Variants in CNTN6 observed in about 807,000 individuals in gnomAD.
CNTN6 encodes contactin 6.
In CNTN6, 137 loss-of-function variants were observed where a neutral mutation model predicts 122.8. That is an observed-to-expected ratio of 1.12 (90% CI 0.97 to 1.29). The LOEUF (loss-of-function observed/expected upper bound fraction) is 1.29. Among genes scored for constraint, CNTN6 ranks in the 50% most tolerant of loss-of-function variants. CNTN6 has a pLI of 0.00. For missense variants in CNTN6, 1,634 were observed against 1,223.4 expected (o/e 1.34, Z -5.01); for synonymous variants, 570 against 426.0 (o/e 1.34, Z -4.16).
intron 7 of CNTN6, among the ~76,000 whole-genome samples, chr3:1,306,577 A>T (rs1433753108): frequency 6.6e-6 from 1 of 152,158 alleles, no homozygotes; most frequent in Non-Finnish European, 1.5e-5. Flanking sequence ...TTGGAGTCTT[A>T]ACTTCACTTG....
intron 12 of CNTN6, among the ~76,000 whole-genome samples, chr3:1,353,477 A>C (rs904131872): frequency 4.6e-5 from 7 of 151,794 alleles, no homozygotes; most frequent in African/African-American, 1.7e-4. Context: ...AATGTGACTG[A>C]TAAAACTTGG....
chr3:1,402,585 G>A (rs1576126920), intron 22 of CNTN6, 99 bp downstream of exon 22: 1 of 990,606 alleles, frequency 1.0e-6, no homozygotes, highest in East Asian at 2.7e-5. Context: ...TTAAATGTTG[G>A]GTGATAAGAT....
chr3:1,174,401 T>C (rs2093412279), intron 2 of CNTN6, among the ~76,000 whole-genome samples: 1 of 152,124 alleles, frequency 6.6e-6, no homozygotes, highest in Admixed American at 6.6e-5. Flanking sequence ...AGAGGAGGTA[T>C]TTTCAGATGG....
Position 1,404,213 on chromosome 3 carries a change from C to T in CNTN6, c.*795C>T, listed in dbSNP as rs1696056884. ...TTTTTATAATAAAACAATGTGGAAA[C>T]AGAATTATTTGATCAAGTTTTCTAC... On this transcript the variant is annotated 3_prime_UTR_variant, in exon 23 of 23. Transcript: ENST00000446702. 1 of 152,094 alleles carries T rather than the reference C, an allele frequency of 6.6e-6. No individual in the cohort carries two copies. The highest frequency in any genetic ancestry group is 2.1e-4 in the South Asian group (1 of 4,830). 9.4% of individuals were successfully genotyped at this position (152,094 alleles called of 1,614,324 possible). A position where few individuals can be genotyped will look rare whatever the true frequency, so the allele number is the denominator to read the frequency against.
At chr3:1,149,325 G>T (rs115714508) in intron 2 of CNTN6, among the ~76,000 whole-genome samples, 1 of 152,032 alleles carries the variant, frequency 6.6e-6, no homozygotes, top group African/African-American at 2.4e-5. Context: ...TCTTCCCCCC[G>T]ACTATGTGTT....
At chr3:1,286,147 A>G (rs772434667) in intron 5 of CNTN6, among the ~76,000 whole-genome samples, 15 of 152,212 alleles carry the variant, frequency 9.9e-5, no homozygotes, top group Admixed American at 5.9e-4. Flanking sequence ...ACACTGGTAC[A>G]CTTTGTGGCA....
At chr3:1,399,521 T>C (rs1387048929) in intron 20 of CNTN6, among the ~76,000 whole-genome samples, 2 of 152,106 alleles carry the variant, frequency 1.3e-5, no homozygotes, top group East Asian at 1.9e-4. Context: ...ACATGGTCAA[T>C]CCAATTGGCC....
intron 9 of CNTN6, among the ~76,000 whole-genome samples, chr3:1,327,082 G>C (rs780473505): frequency 2.4e-4 from 36 of 151,846 alleles, no homozygotes; most frequent in Non-Finnish European, 4.7e-4. Context: ...AAAATGGAAA[G>C]CCAAGGCAGT....
intron 1 of CNTN6, among the ~76,000 whole-genome samples, chr3:1,097,343 A>G (rs1369671475): frequency 6.6e-6 from 1 of 152,250 alleles, no homozygotes; most frequent in Non-Finnish European, 1.5e-5. Flanking sequence ...TATACTGAGT[A>G]GAAAACTTAT....
intron 21 of CNTN6, among the ~76,000 whole-genome samples, chr3:1,402,062 A>G (rs1360170163): frequency 6.6e-6 from 1 of 151,954 alleles, no homozygotes; most frequent in African/African-American, 2.4e-5. Context: ...GCAAGCTCCA[A>G]TGATAATAGC....
intron 11 of CNTN6, among the ~76,000 whole-genome samples, chr3:1,346,247 G>A (rs780522092): frequency 2.6e-4 from 40 of 152,108 alleles, no homozygotes; most frequent in Non-Finnish European, 3.8e-4. Flanking sequence ...TTATGAACAG[G>A]TATTAGTTCA....
intron 2 of CNTN6, among the ~76,000 whole-genome samples, chr3:1,167,117 T>G (rs1342686753): frequency 1.3e-5 from 2 of 149,840 alleles, no homozygotes; most frequent in African/African-American, 4.9e-5. Flanking sequence ...AAAGACAAAT[T>G]ATAAATGGTG....
intron 4 of CNTN6, among the ~76,000 whole-genome samples, chr3:1,255,043 C>T (rs1017204354): frequency 6.6e-6 from 1 of 152,066 alleles, no homozygotes; most frequent in Non-Finnish European, 1.5e-5. Context: ...TTTATTTCTT[C>T]TGCACATGGC....
At chr3:1,386,951 C>CT (rs1560000359) in intron 20 of CNTN6, among the ~76,000 whole-genome samples, 7 of 151,898 alleles carry the variant, frequency 4.6e-5, no homozygotes, top group South Asian at 2.1e-4. Flanking sequence ...AGTTAGGAAC[C>CT]ATCTCAGAGA....
intron 1 of CNTN6, among the ~76,000 whole-genome samples, chr3:1,145,197 T>A (rs1014314312): frequency 6.6e-6 from 1 of 152,208 alleles, no homozygotes; most frequent in Non-Finnish European, 1.5e-5. Context: ...GATCAACGGG[T>A]TTATTATCTC....
intron 1 of CNTN6, among the ~76,000 whole-genome samples, chr3:1,097,051 C>T (rs1325148839): frequency 6.6e-6 from 1 of 152,116 alleles, no homozygotes; most frequent in African/African-American, 2.4e-5. Context: ...TGTTGTTATT[C>T]TCAGTATTCA....
intron 4 of CNTN6, among the ~76,000 whole-genome samples, chr3:1,230,188 A>G (rs139965186): frequency 5.2e-4 from 79 of 152,310 alleles, no homozygotes; most frequent in African/African-American, 1.8e-3. Context: ...GGATAACCAC[A>G]GCAGATAAAT....
chr3:1,099,504 A>C (rs2090763849), intron 1 of CNTN6, among the ~76,000 whole-genome samples: 1 of 152,154 alleles, frequency 6.6e-6, no homozygotes, highest in South Asian at 2.1e-4. Flanking sequence ...GATATATTTC[A>C]CCTTATGTGT....
At chr3:1,312,142 G>A in intron 7 of CNTN6, among the ~76,000 whole-genome samples, 1 of 151,936 alleles carries the variant, frequency 6.6e-6, no homozygotes, top group Non-Finnish European at 1.5e-5. Flanking sequence ...AAAGACCAGG[G>A]ACCTGCCCTA....
Sources: gnomAD v4.1 joint callset for allele counts (sites outside exome capture counted in the v4.1 genomes callset) on GRCh38, gnomAD v4.1.1 for gene constraint, MANE v1.5 for transcripts, NCBI Gene and HGNC (gene_info 2026-07-23, HGNC 2026-07-21) for gene names.